SYTL2: variants seen among roughly 807,000 people sequenced by gnomAD.
The protein encoded by SYTL2 is synaptotagmin-like protein 2.
A neutral mutation model predicts 198.7 loss-of-function variants in SYTL2; 165 were observed. The observed-to-expected ratio is 0.83, with a 90% confidence interval of 0.73 to 0.94. The LOEUF is 0.94. Ranked by LOEUF, SYTL2 falls within the 40% of genes least tolerant of loss-of-function variation. SYTL2 has a pLI of 0.00. For missense variants in SYTL2, 2,835 were observed against 2,582.8 expected (o/e 1.10, Z -2.12); for synonymous variants, 966 against 917.7 (o/e 1.05, Z -0.95).
At chr11:85,765,704 G>A (rs1164275563) in intron 1 of SYTL2, among the ~76,000 whole-genome samples, 1 of 152,128 alleles carries the variant, frequency 6.6e-6, no homozygotes, top group Non-Finnish European at 1.5e-5. Context: ...CTGGAAACTG[G>A]CTTGGTGGTC....
rs573071368 is a variant in SYTL2, at chr11:85,708,347, T to C, written c.5916-816A>G. On this transcript the variant is annotated intron_variant, in intron 14 of 19. Coordinates refer to ENST00000359152, the MANE Select transcript of SYTL2 (RefSeq NM_206927.4). ...TCTTCAATGTTAAAAAAATAAAGGATGTTGAGCTCAGTTGTTTTTATAATA... is the reference window on the plus strand; with the variant it reads ...TCTTCAATGTTAAAAAAATAAAGGACGTTGAGCTCAGTTGTTTTTATAATA... Among the ~76,000 whole-genome samples, 3 of 152,096 alleles carry C rather than the reference T, an allele frequency of 2.0e-5. No individual in the cohort carries two copies. In the South Asian group the frequency reaches 6.2e-4, roughly 32 times the overall value.
At chr11:85,744,335 A>G (rs1037724357) in intron 4 of SYTL2, among the ~76,000 whole-genome samples, 1 of 152,200 alleles carries the variant, frequency 6.6e-6, no homozygotes, top group Non-Finnish European at 1.5e-5. Flanking sequence ...AAGTCCAAGG[A>G]GTTAAGTCAG....
In SYTL2 at chr11:85,724,083, A is replaced by T; in HGVS notation, c.5275T>A (p.Phe1759Ile). ...EEKEGFSESDFSDGNTSSNAE... is the reference protein window; with the variant it reads ...EEKEGFSESDISDGNTSSNAE... ...TTAGAACTGGTGTTTCCATCTGAAAAATCAGACTCAGAGAAACCTTCTTTT... is the reference window on the plus strand; with the variant it reads ...TTAGAACTGGTGTTTCCATCTGAAATATCAGACTCAGAGAAACCTTCTTTT... The change falls in exon 8 of 20, where the codon TTT becomes ATT. Residue 1759 changes from phenylalanine (F) to isoleucine (I), a missense_variant. Phe to Ile is a conservative substitution (Grantham distance 21). Coordinates refer to ENST00000359152, the MANE Select transcript of SYTL2 (RefSeq NM_206927.4). The T allele has an allele frequency of 6.4e-7, 1 of 1,561,232 alleles. No individual in the cohort carries two copies. The highest frequency in any genetic ancestry group is 8.6e-7 in the Non-Finnish European group (1 of 1,162,680).
chr11:85,803,898 T>A (rs1246482661), intron 1 of SYTL2, among the ~76,000 whole-genome samples: 3 of 152,256 alleles, frequency 2.0e-5, no homozygotes, highest in East Asian at 3.8e-4. Flanking sequence ...GCAAAGGGAC[T>A]GACACAGAGT....
rs190622344 is a variant in SYTL2, at chr11:85,703,934, G to A, written c.6189+924C>T. On this transcript the variant is annotated intron_variant, in intron 16 of 19. Coordinates refer to ENST00000359152, the MANE Select transcript of SYTL2 (RefSeq NM_206927.4). ...TCTACAGGAACTAATAAAGAAAAAT[G>A]AAAATAAACTATGACTGACATATTA... 7.4e-3 allele frequency among the ~76,000 whole-genome samples: 1,121 copies of A among 152,050 alleles called. 17 individuals are homozygous for A. Among genetic ancestry groups the A allele is most frequent in the African/African-American group, 0.025 (1,044 of 41,494 alleles).
At chr11:85,832,592 T>C in the SYTL2 span, among the ~76,000 whole-genome samples, 4 of 152,214 alleles carry the variant, frequency 2.6e-5, no homozygotes, top group Non-Finnish European at 4.4e-5. Flanking sequence ...CAAGGAGGTA[T>C]AAGAACATGC....
At chr11:85,697,954 C>T (rs1356173078) in intron 18 of SYTL2, 25 bp downstream of exon 18, 2 of 1,487,248 alleles carry the variant, frequency 1.3e-6, no homozygotes, top group Admixed American at 1.7e-5. Flanking sequence ...AGAACTGTTG[C>T]AGACAGAGTC....
chr11:85,770,045 T>C (rs553960422), intron 1 of SYTL2, among the ~76,000 whole-genome samples: 40 of 152,310 alleles, frequency 2.6e-4, no homozygotes, highest in Non-Finnish European at 5.3e-4. Flanking sequence ...GATCTCCAGG[T>C]TGGCCACTCC....
chr11:85,786,453 C>T (rs2092637611), intron 1 of SYTL2, among the ~76,000 whole-genome samples: 2 of 152,312 alleles, frequency 1.3e-5, no homozygotes, highest in South Asian at 4.1e-4. Context: ...TTGTGATATA[C>T]TATAGTTGTA....
upstream of SYTL2, among the ~76,000 whole-genome samples, chr11:85,814,936 A>C (rs2093059724): frequency 6.6e-6 from 1 of 152,150 alleles, no homozygotes; most frequent in South Asian, 2.1e-4. Context: ...GTATTCCTCA[A>C]GCATTTTCTT....
At chr11:85,704,682 T>A (rs2084848936) in intron 16 of SYTL2, among the ~76,000 whole-genome samples, 176 bp downstream of exon 16, 1 of 152,218 alleles carries the variant, frequency 6.6e-6, no homozygotes, top group African/African-American at 2.4e-5. Context: ...AACATTTGTG[T>A]TAAATGATTT....
At chr11:85,833,016 AAAG>A in the SYTL2 span, among the ~76,000 whole-genome samples, 1,677 of 20,938 alleles carry the variant, frequency 0.08, 130 homozygotes, top group Admixed American at 0.13. Flanking sequence ...GAAAGAAAAG[AAAG>A]AAAGAAAGAA....
chr11:85,771,537 C>G (rs1344495391), intron 1 of SYTL2, among the ~76,000 whole-genome samples: 1 of 152,168 alleles, frequency 6.6e-6, no homozygotes, highest in Non-Finnish European at 1.5e-5. Context: ...GTTTAGAAAC[C>G]CCATGCTGTG....
upstream of SYTL2, among the ~76,000 whole-genome samples, chr11:85,815,217 C>A (rs1263436294): frequency 2.0e-5 from 3 of 152,104 alleles, no homozygotes; most frequent in Non-Finnish European, 2.9e-5. Flanking sequence ...AGTAAAAGAA[C>A]CTTTCTCTTA....
the SYTL2 span, chr11:85,854,849 A>C: frequency 6.6e-6 from 1 of 152,244 alleles, no homozygotes; most frequent in Non-Finnish European, 1.5e-5. Context: ...GTCTACAGTC[A>C]CCAACTTCCA....
At chr11:85,721,148 T>G (rs112948087) in intron 8 of SYTL2, among the ~76,000 whole-genome samples, 189 bp from the exon 9 acceptor site, 125 of 152,332 alleles carry the variant, frequency 8.2e-4, no homozygotes, top group African/African-American at 2.5e-3. Context: ...ATAATTTTCC[T>G]GGTCAAGAAA....
At chr11:85,749,146 C>G (rs2091357889) in intron 2 of SYTL2, among the ~76,000 whole-genome samples, 1 of 152,060 alleles carries the variant, frequency 6.6e-6, no homozygotes, top group Non-Finnish European at 1.5e-5. Context: ...AAGCTAAAAC[C>G]TAAAGAACAA....
At chr11:85,820,870 T>G in the SYTL2 span, among the ~76,000 whole-genome samples, 2 of 152,226 alleles carry the variant, frequency 1.3e-5, no homozygotes, top group African/African-American at 4.8e-5. Flanking sequence ...ATTTTTAAAG[T>G]AAGTATACTG....
At chr11:85,811,540 G>C (rs551009131), upstream of SYTL2, among the ~76,000 whole-genome samples, 2 of 152,302 alleles carry the variant, frequency 1.3e-5, no homozygotes, top group East Asian at 3.9e-4. Context: ...ACCGCGCAGG[G>C]AAAGGGGCGC....
Sources: gnomAD v4.1 joint callset for allele counts (sites outside exome capture counted in the v4.1 genomes callset) on GRCh38, gnomAD v4.1.1 for gene constraint, MANE v1.5 for transcripts, NCBI Gene and HGNC (gene_info 2026-07-23, HGNC 2026-07-21) for gene names.